Variants in WNK2 observed in about 807,000 individuals in gnomAD.
WNK2 encodes serine/threonine-protein kinase WNK2.
A neutral mutation model predicts 192.1 loss-of-function variants in WNK2; 67 were observed. The ratio of observed to expected loss-of-function variants is 0.35; its 90% CI spans 0.29 to 0.43. The LOEUF is 0.43. Ranked by LOEUF, WNK2 falls within the 20% of genes least tolerant of loss-of-function variation. The probability of loss-of-function intolerance (pLI) is 1.00; values close to 1 mark genes in which losing one functional copy is unlikely to be tolerated. For synonymous variants in WNK2, 1,439 were observed against 1,393.9 expected (o/e 1.03, Z -0.72); for missense variants, 2,698 against 3,089.7 (o/e 0.87, Z 3.01).
At chr9:93,243,541 A>G (rs1482917560) in intron 7 of WNK2, among the ~76,000 whole-genome samples, 8 of 152,156 alleles carry the variant, frequency 5.3e-5, no homozygotes, top group Admixed American at 4.6e-4. Context: ...AGAAGAAGGG[A>G]CATGACCTGT....
In WNK2 at chr9:93,292,711, C is replaced by T. The variant is rs147131740; in HGVS notation, c.5246C>T (p.Ser1749Leu). ...SSPAKTVGRF[S>L]VVSTQDEWTL... ...CCAGCCAAGACTGTGGGCCGTTTCTCGGTGGTCAGCACTCAGGACGAGTGG... is the reference window on the plus strand; with the variant it reads ...CCAGCCAAGACTGTGGGCCGTTTCTTGGTGGTCAGCACTCAGGACGAGTGG... Residue 1749 changes from serine to leucine, a missense_variant, in exon 23 of 30, where the codon TCG (serine) becomes TTG (leucine). This residue lies in a region of WNK2 where 1,098 missense variants were observed against 1,101.0 expected (regional missense o/e 1.00). Transcript: ENST00000427277. The T allele has an allele frequency of 8.5e-5, 133 of 1,565,978 alleles. No homozygotes were observed. Among genetic ancestry groups the T allele is most frequent in the Admixed American group, 2.1e-4 (11 of 53,020 alleles).
chr9:93,246,758 C>G (rs1564077532), intron 7 of WNK2, among the ~76,000 whole-genome samples: 1 of 152,218 alleles, frequency 6.6e-6, no homozygotes, highest in Non-Finnish European at 1.5e-5. Flanking sequence ...CCTGGCTGGT[C>G]CAGCCTGACC....
At position 93,259,071 on chromosome 9, in the gene WNK2, G is replaced by T; in HGVS notation, c.2523G>T (p.Pro841=). ...PQYFSPAVIL[P]SLAAPLPPAS... ...ATTTCTCTCCAGCCGTGATCTTGCCGAGCCTCGCTGCCCCACTCCCCCCTG... is the reference window on the plus strand; with the variant it reads ...ATTTCTCTCCAGCCGTGATCTTGCCTAGCCTCGCTGCCCCACTCCCCCCTG... Residue 841 remains proline, a synonymous_variant, in exon 12 of 30, where the codon CCG becomes CCT. Transcript: ENST00000427277. This position sits in a 1 kb window ranked among gnomAD's most constrained non-coding sequence, Gnocchi z 4.8. The T allele has an allele frequency of 6.2e-7, 1 of 1,613,154 alleles. No individual in the cohort carries two copies. The highest frequency in any genetic ancestry group is 1.3e-5 in the African/African-American group (1 of 74,954).
rs112485122 is a variant in WNK2 at position 93,189,433 on chromosome 9, C to T, written c.681+3823C>T. 3.7e-3 allele frequency among the ~76,000 whole-genome samples: 569 copies of T among 152,316 alleles called. 3 individuals carry two copies. Among genetic ancestry groups the T allele is most frequent in the South Asian group, 6.0e-3 (29 of 4,832 alleles). ...TCCTAAAGAGGACTAAGGGTGGGGG[C>T]GCTGCTTCTAGTTCCAGAAAGTTAC... On this transcript the variant is annotated intron_variant, in intron 2 of 29. Coordinates refer to ENST00000427277, the MANE Select transcript of WNK2 (RefSeq NM_006648.4).
At chr9:93,284,803 G>A (rs1274201632) in intron 19 of WNK2, among the ~76,000 whole-genome samples, 3 of 152,324 alleles carry the variant, frequency 2.0e-5, no homozygotes, top group Non-Finnish European at 2.9e-5. Flanking sequence ...GAAGTGTCAT[G>A]GTGGTGTCAC....
intron 2 of WNK2, among the ~76,000 whole-genome samples, chr9:93,195,699 CAAAAAAAAAA>C (rs59357990): frequency 2.4e-5 from 1 of 41,670 alleles, no homozygotes; most frequent in East Asian, 9.3e-4. Context: ...GACTTTGTCT[CAAAAAAAAAA>C]AAAAAAAAAA....
chr9:93,208,973 G>C (rs991697030), intron 2 of WNK2, among the ~76,000 whole-genome samples: 21 of 152,202 alleles, frequency 1.4e-4, no homozygotes, highest in African/African-American at 5.1e-4. Flanking sequence ...CACAGCTCCG[G>C]GGGTGCTTGG....
intron 19 of WNK2, among the ~76,000 whole-genome samples, chr9:93,270,238 G>A (rs1319348643): frequency 6.6e-6 from 1 of 152,224 alleles, no homozygotes; most frequent in Non-Finnish European, 1.5e-5. Flanking sequence ...TCATTAGGAC[G>A]GTCTTGGAGT....
At chr9:93,224,570 G>C (rs182158204) in intron 2 of WNK2, among the ~76,000 whole-genome samples, 4 of 152,320 alleles carry the variant, frequency 2.6e-5, no homozygotes, top group Admixed American at 2.6e-4. Flanking sequence ...CTTGGAGGGT[G>C]CTGTCCTGCC....
At chr9:93,262,451 T>A (rs561821014) in intron 13 of WNK2, among the ~76,000 whole-genome samples, 1 of 152,314 alleles carries the variant, frequency 6.6e-6, no homozygotes, top group East Asian at 1.9e-4. Context: ...ATGAATACAC[T>A]CGGGTCCAAG....
intron 23 of WNK2, among the ~76,000 whole-genome samples, chr9:93,293,864 C>T (rs1262946154): frequency 1.3e-5 from 2 of 151,966 alleles, no homozygotes; most frequent in Non-Finnish European, 2.9e-5. Context: ...TCCTTCTCTC[C>T]CTGTCTCGCT....
At chr9:93,188,634 C>G (rs910630435) in intron 2 of WNK2, among the ~76,000 whole-genome samples, 1 of 152,220 alleles carries the variant, frequency 6.6e-6, no homozygotes, top group African/African-American at 2.4e-5. Context: ...CCCACATGTC[C>G]TGTGTTCCTG....
In WNK2 at chr9:93,239,629, G is replaced by A. The variant is rs1043322609; in HGVS notation, c.1323-128G>A. 28 of 726,976 alleles carry A rather than the reference G, an allele frequency of 3.9e-5. No homozygotes were observed. The South Asian group carries it at 5.1e-4, about 13-fold the overall frequency. 45.0% of individuals were successfully genotyped at this position (726,976 alleles called of 1,614,324 possible). A position where few individuals can be genotyped will look rare whatever the true frequency, so the allele number is the denominator to read the frequency against. ...TCTTTTCTTTACCCCTGGGAGTGCTGAGACATGAGGCCTGGCCTCAGGCTC... is the reference window on the plus strand; with the variant it reads ...TCTTTTCTTTACCCCTGGGAGTGCTAAGACATGAGGCCTGGCCTCAGGCTC... On this transcript the variant is annotated intron_variant, in intron 6 of 29. Coordinates refer to ENST00000427277, the MANE Select transcript of WNK2 (RefSeq NM_006648.4). This position sits in a 1 kb window ranked among gnomAD's most constrained non-coding sequence, Gnocchi z 4.2.
At chr9:93,287,346 A>G (rs1339406113) in intron 19 of WNK2, among the ~76,000 whole-genome samples, 2 of 152,210 alleles carry the variant, frequency 1.3e-5, no homozygotes, top group Non-Finnish European at 2.9e-5. Flanking sequence ...TGTGCCTGGC[A>G]GGACACGGGC....
chr9:93,187,076 C>A (rs558893383), intron 2 of WNK2, among the ~76,000 whole-genome samples: 8 of 152,154 alleles, frequency 5.3e-5, no homozygotes, highest in Non-Finnish European at 1.0e-4. Context: ...TGCTCTTGCC[C>A]TTCTGACCGG....
chr9:93,303,498 C>T (rs919487836), intron 26 of WNK2, among the ~76,000 whole-genome samples: 1 of 152,224 alleles, frequency 6.6e-6, no homozygotes, highest in Non-Finnish European at 1.5e-5. Context: ...GGCCTTCTCC[C>T]ACCGTGGAAT....
At chr9:93,235,094 AG>A (rs1839566334) in intron 5 of WNK2, 129 bp downstream of exon 5, 5 of 1,157,230 alleles carry the variant, frequency 4.3e-6, no homozygotes, top group Middle Eastern at 2.3e-4. Flanking sequence ...CATTTTGCAG[AG>A]GGGGAAACTG....
chr9:93,231,130 A>G (rs528629733), intron 4 of WNK2, 22 bp downstream of exon 4: 1 of 1,607,756 alleles, frequency 6.2e-7, no homozygotes, highest in African/African-American at 1.3e-5. Context: ...TCTCCTCCCC[A>G]GGCCCTTGGA....
At position 93,193,533 on chromosome 9, in the gene WNK2, G is replaced by A. The variant is rs778907506; in HGVS notation, c.681+7923G>A. 1.5e-4 allele frequency among the ~76,000 whole-genome samples: 23 copies of A among 152,254 alleles called. No individual in the cohort carries two copies. In the East Asian group the frequency reaches 2.9e-3, roughly 19 times the overall value. On this transcript the variant is annotated intron_variant, in intron 2 of 29. Transcript: ENST00000427277. ...CCCGGGAGCTGTGGGCACCTGTGCC[G>A]CTGTTGCCTTAGTGCTTGAGCTGCA...
Sources: gnomAD v4.1 joint callset for allele counts (sites outside exome capture counted in the v4.1 genomes callset) on GRCh38, gnomAD v4.1.1 for gene constraint, gnomAD v4.1.1 regional missense constraint, Gnocchi (gnomAD v3.1) non-coding constraint, MANE v1.5 for transcripts, NCBI Gene and HGNC (gene_info 2026-07-23, HGNC 2026-07-21) for gene names.